Variants in NTAN1 observed in about 807,000 individuals in gnomAD.
The protein encoded by NTAN1 is N-terminal asparagine amidase, also known as protein N-terminal asparagine amidohydrolase.
Under a neutral mutation model 41.9 loss-of-function variants are expected in NTAN1, and 32 were observed. The ratio of observed to expected loss-of-function variants is 0.76; its 90% confidence interval spans 0.58 to 1.03. The LOEUF (loss-of-function observed/expected upper bound fraction) is 1.03, where lower values mean the gene tolerates loss of function less well. NTAN1 is among the 50% of genes least tolerant of loss of function. The pLI, the probability that NTAN1 is intolerant of heterozygous loss-of-function variation, is 0.00. For synonymous variants in NTAN1, 140 were observed against 139.5 expected (o/e 1.00, Z -0.03); for missense variants, 377 against 377.5 (o/e 1.00, Z 0.01).
rs1297836380 is a variant in NTAN1, at chr16:15,038,680, C to T, written c.647G>A (p.Ser216Asn). ...ARTLAGGPMISIYDAETEQLR... is the reference protein window; with the variant it reads ...ARTLAGGPMINIYDAETEQLR... ...TTGTTCTGTCTCTGCATCATAAATG[C>T]TAATCATCTAAAAAAGAACGTGTCA... The change falls in exon 9 of 10, where the codon AGC becomes AAC. Residue 216 changes from serine to asparagine, a missense_variant. Physicochemically the swap from Ser to Asn is conservative, Grantham distance 46. Transcript: ENST00000287706. The T allele has an allele frequency of 2.9e-5, 45 of 1,546,044 alleles. No homozygotes were observed. Among genetic ancestry groups the T allele is most frequent in the Non-Finnish European group, 3.8e-5 (43 of 1,124,122 alleles).
intron 1 of NTAN1, among the ~76,000 whole-genome samples, chr16:15,053,473 A>T (rs58636152): frequency 5.2e-4 from 39 of 75,222 alleles, no homozygotes; most frequent in African/African-American, 1.2e-3. Flanking sequence ...GTAAGCTATC[A>T]TTTTTTTAAA....
chr16:15,052,386 T>C (rs1300038761), intron 1 of NTAN1, among the ~76,000 whole-genome samples: 2 of 152,246 alleles, frequency 1.3e-5, no homozygotes, highest in South Asian at 2.1e-4. Flanking sequence ...CCATGAGCTG[T>C]GGCTTGTTGA....
Position 15,041,625 on chromosome 16 carries a change from G to C in NTAN1, c.485C>G (p.Thr162Arg). Residue 162 changes from threonine to arginine, a missense_variant and splice_region_variant, in exon 6 of 10, where the codon ACA (threonine) becomes AGA (arginine). By Grantham distance (71) the Thr-to-Arg change is moderately conservative. Transcript: ENST00000287706. The part of the protein sequence containing the change: ...DDIHLVTLCV[T>R]ELNDREENEN... ...TTGGGGCAAATGGCAGGACTTACCTGTCACACATAATGTCACTAAGTGAAT... is the reference window on the plus strand; with the variant it reads ...TTGGGGCAAATGGCAGGACTTACCTCTCACACATAATGTCACTAAGTGAAT... 6.2e-7 allele frequency: 1 copy of C among 1,608,642 alleles called. No individual in the cohort carries two copies. Among genetic ancestry groups the C allele is most frequent in the East Asian group, 2.2e-5 (1 of 44,856 alleles).
chr16:15,047,636 G>A (rs1299780226), intron 3 of NTAN1, 86 bp from the exon 4 acceptor site: 22 of 1,062,442 alleles, frequency 2.1e-5, no homozygotes, highest in South Asian at 1.4e-4. Flanking sequence ...CCTCCGGACC[G>A]CCTCATCTTT....
intron 1 of NTAN1, among the ~76,000 whole-genome samples, chr16:15,052,838 AAATAAATAAATAATAAAAG>A (rs1300389854): frequency 6.6e-6 from 1 of 152,062 alleles, no homozygotes; most frequent in Non-Finnish European, 1.5e-5. Flanking sequence ...AAAAAAAAAT[AAATAAATAAATAATAAAAG>A]CAGGAACTAA....
chr16:15,045,120 T>A (rs1396243827), intron 4 of NTAN1: 2 of 112,696 alleles, frequency 1.8e-5, no homozygotes, highest in East Asian at 5.2e-4. Flanking sequence ...TAAGACTCTA[T>A]CTCAAAAAAA....
intron 1 of NTAN1, among the ~76,000 whole-genome samples, chr16:15,052,877 C>T (rs769983250): frequency 3.9e-5 from 6 of 152,042 alleles, no homozygotes; most frequent in South Asian, 4.2e-4. Context: ...AGCTACGCTG[C>T]GAGCATCTTG....
intron 5 of NTAN1, among the ~76,000 whole-genome samples, chr16:15,043,415 G>A (rs908253780): frequency 1.3e-5 from 2 of 152,246 alleles, no homozygotes; most frequent in African/African-American, 2.4e-5. Context: ...ATGGTGGCAT[G>A]CACCTAGTCA....
chr16:15,055,480 G>A (rs1298476275), intron 1 of NTAN1, among the ~76,000 whole-genome samples: 1 of 152,234 alleles, frequency 6.6e-6, no homozygotes, highest in Non-Finnish European at 1.5e-5. Context: ...CCTGCTTCAC[G>A]GGGACGCAAG....
intron 7 of NTAN1, 118 bp from the exon 8 acceptor site, chr16:15,040,184 C>T (rs2043748330): frequency 5.5e-6 from 3 of 545,370 alleles, no homozygotes; most frequent in African/African-American, 1.9e-5. Flanking sequence ...CAGAATGGCT[C>T]CTAAGTATCT....
chr16:15,050,856 G>A (rs765376003), intron 1 of NTAN1, among the ~76,000 whole-genome samples: 1 of 152,182 alleles, frequency 6.6e-6, no homozygotes, highest in Non-Finnish European at 1.5e-5. Flanking sequence ...AGGTATCAAT[G>A]AAAATGAGAC....
chr16:15,050,356 GAC>G (rs2044247039), intron 1 of NTAN1, among the ~76,000 whole-genome samples: 2 of 152,302 alleles, frequency 1.3e-5, no homozygotes, highest in South Asian at 4.1e-4. Flanking sequence ...TACACAGGAA[GAC>G]AGTTTTGCAG....
At position 15,055,938 on chromosome 16, in the gene NTAN1, G is replaced by A. The variant is rs968441723; in HGVS notation, c.34C>T (p.Leu12=). ...ACGAGGTCCCCGGCTGACTGCGGCA[G>A]CCGCACTCGCCGCCCCTCGACGAGC... is the stretch of plus-strand genomic sequence containing the variant. ...PLLVEGRRVR[L]PQSAGDLVRA... The change falls in exon 1 of 10, where the codon CTG becomes TTG. Residue 12 remains leucine (L), a synonymous_variant. Transcript: ENST00000287706. The A allele has an allele frequency of 4.9e-6, 6 of 1,231,946 alleles. No homozygotes were observed. The African/African-American group carries it at 7.8e-5, about 16-fold the overall frequency. 76.3% of individuals were successfully genotyped at this position (1,231,946 alleles called of 1,614,324 possible).
chr16:15,041,239 G>T, intron 6 of NTAN1, 118 bp from the exon 7 acceptor site: 1 of 725,350 alleles, frequency 1.4e-6, no homozygotes, highest in Non-Finnish European at 2.4e-6. Context: ...GAAAATTCCA[G>T]AAAATGAAAG....
At chr16:15,055,824 G>C in intron 1 of NTAN1, 67 bp downstream of exon 1, 1 of 865,776 alleles carries the variant, frequency 1.2e-6, no homozygotes, top group Non-Finnish European at 1.5e-6. Context: ...CGCGTGAGGG[G>C]GGCGCTAGCC....
Position 15,048,110 on chromosome 16 carries a change from A to T in NTAN1, c.82-11T>A, listed in dbSNP as rs571934106. Reference sequence around the variant, plus strand: ...AAGTCTGGCTCTTTCCTGTTTAATTAAAAAAAAAATAAAATAGTGATGTAA... The same window carrying T: ...AAGTCTGGCTCTTTCCTGTTTAATTTAAAAAAAAATAAAATAGTGATGTAA... On this transcript the variant is annotated splice_polypyrimidine_tract_variant and intron_variant, in intron 1 of 9. Coordinates refer to ENST00000287706, the MANE Select transcript of NTAN1 (RefSeq NM_173474.4). 5.2e-6 allele frequency: 6 copies of T among 1,157,504 alleles called. No homozygotes were observed. Among genetic ancestry groups the T allele is most frequent in the African/African-American group, 3.1e-5 (2 of 63,564 alleles). 71.7% of individuals were successfully genotyped at this position (1,157,504 alleles called of 1,614,324 possible).
At chr16:15,047,597 G>GC in intron 3 of NTAN1, 47 bp from the exon 4 acceptor site, 1 of 1,354,316 alleles carries the variant, frequency 7.4e-7, no homozygotes, top group Non-Finnish European at 1.1e-6. Flanking sequence ...TGATGCGAGT[G>GC]CAGTGCGCAG....
Position 15,039,986 on chromosome 16 carries a change from T to G in NTAN1, c.622A>C (p.Thr208Pro). The G allele has an allele frequency of 6.2e-7, 1 of 1,604,194 alleles. No homozygotes were observed. Among genetic ancestry groups the G allele is most frequent in the Non-Finnish European group, 8.5e-7 (1 of 1,171,778 alleles). ...AAACTCACTGGTCCTCCTGCTAAAG[T>G]TCGCGCAGCACGAAGCTGCTCCTCC... is the stretch of plus-strand genomic sequence containing the variant. ...GPEEQLRAARTLAGGPMISIY... is the reference protein window; with the variant it reads ...GPEEQLRAARPLAGGPMISIY... The change falls in exon 8 of 10, where the codon ACT becomes CCT. Residue 208 changes from threonine (T) to proline (P), a missense_variant. Physicochemically the swap from Thr to Pro is conservative, Grantham distance 38. Coordinates refer to ENST00000287706, the MANE Select transcript of NTAN1 (RefSeq NM_173474.4).
chr16:15,039,322 T>C (rs1460591394), intron 8 of NTAN1, among the ~76,000 whole-genome samples: 2 of 152,196 alleles, frequency 1.3e-5, no homozygotes, highest in Non-Finnish European at 2.9e-5. Context: ...CAAACACATT[T>C]CCCAGTGAAA....
Sources: gnomAD v4.1 joint callset for allele counts (sites outside exome capture counted in the v4.1 genomes callset) on GRCh38, gnomAD v4.1.1 for gene constraint, MANE v1.5 for transcripts, NCBI Gene and HGNC (gene_info 2026-07-23, HGNC 2026-07-21) for gene names.